Variants in LRIG1 observed in about 807,000 individuals in gnomAD.
LRIG1 encodes the protein leucine rich repeats and immunoglobulin like domains 1.
LRIG1 carries 48 observed loss-of-function variants against 99.2 expected under a neutral mutation model. The observed-to-expected ratio is 0.48, with a 90% CI of 0.38 to 0.62. LRIG1 has a LOEUF of 0.62. Among genes scored for constraint, LRIG1 ranks in the 20% least tolerant of loss-of-function variants. The pLI, the probability that LRIG1 is intolerant of heterozygous loss-of-function variation, is 0.00. For missense variants in LRIG1, 1,646 were observed against 1,434.4 expected (o/e 1.15, Z -2.38); for synonymous variants, 772 against 596.1 (o/e 1.29, Z -4.30).
In LRIG1 at chr3:66,430,190, CAAAAAA is replaced by C. The variant is rs34125530; in HGVS notation, c.366-12930_366-12925del. On this transcript the variant is annotated intron_variant, in intron 3 of 18. Coordinates refer to ENST00000273261, the MANE Select transcript of LRIG1 (RefSeq NM_015541.3). ...CAAAACAAAACAACAACAACAACAA[CAAAAAA>C]AAAACACTGAGGCAGGACCAACCAT... Among the ~76,000 whole-genome samples the C allele has an allele frequency of 2.4e-5, 3 of 127,472 alleles. No individual in the cohort carries two copies. In the South Asian group the frequency reaches 1.0e-3, roughly 43 times the overall value. 83.6% of individuals were successfully genotyped at this position (127,472 alleles called of 152,430 possible). A position where few individuals can be genotyped will look rare whatever the true frequency, so the allele number is the denominator to read the frequency against.
chr3:66,381,016 A>T, intron 17 of LRIG1, 155 bp from the exon 18 acceptor site: 2 of 721,624 alleles, frequency 2.8e-6, no homozygotes, highest in South Asian at 3.7e-5. Context: ...ATGTCCCCAG[A>T]GAAAGGACTG....
At chr3:66,437,400 G>C (rs1227940594) in intron 3 of LRIG1, among the ~76,000 whole-genome samples, 1 of 152,214 alleles carries the variant, frequency 6.6e-6, no homozygotes, top group Non-Finnish European at 1.5e-5. Context: ...CCACCTCTGG[G>C]CCAGGCGGCC....
At chr3:66,421,715 C>T (rs1421183715) in intron 3 of LRIG1, among the ~76,000 whole-genome samples, 3 of 152,270 alleles carry the variant, frequency 2.0e-5, no homozygotes, top group African/African-American at 7.2e-5. Flanking sequence ...TAGGCAGTGC[C>T]GCAGTAGGGA....
At chr3:66,381,734 A>G (rs763777856) in intron 16 of LRIG1, 103 bp from the exon 17 acceptor site, 108 of 1,354,108 alleles carry the variant, frequency 8.0e-5, no homozygotes, top group Middle Eastern at 2.1e-4. Context: ...ATTTTTTTTA[A>G]AAAGTTCTTC....
At chr3:66,452,355 C>T (rs1053977010) in intron 2 of LRIG1, among the ~76,000 whole-genome samples, 2 of 152,220 alleles carry the variant, frequency 1.3e-5, no homozygotes, top group Non-Finnish European at 2.9e-5. Flanking sequence ...GGGAAACCCA[C>T]GAACCAAAGC....
Position 66,407,454 on chromosome 3 carries a change from C to T in LRIG1, c.973G>A (p.Glu325Lys). 6.2e-7 allele frequency: 1 copy of T among 1,614,006 alleles called. No individual in the cohort carries two copies. Among genetic ancestry groups the T allele is most frequent in the Non-Finnish European group, 8.5e-7 (1 of 1,180,022 alleles). Reference sequence around the variant, plus strand: ...AGGCTGCTCAGCTCGGCCAGGCTCTCCTCGTCCAGCCGTGTCAGGTTGTTG... The same window carrying T: ...AGGCTGCTCAGCTCGGCCAGGCTCTTCTCGTCCAGCCGTGTCAGGTTGTTG... ...SFNNLTRLDEESLAELSSLSV... is the reference protein window; with the variant it reads ...SFNNLTRLDEKSLAELSSLSV... Residue 325 changes from glutamate to lysine, a missense_variant, in exon 8 of 19, where the codon GAG (glutamate) becomes AAG (lysine). Physicochemically the swap from Glu to Lys is moderately conservative, Grantham distance 56. Transcript: ENST00000273261.
At chr3:66,439,789 C>T (rs1316603426) in intron 3 of LRIG1, among the ~76,000 whole-genome samples, 1 of 152,146 alleles carries the variant, frequency 6.6e-6, no homozygotes, top group African/African-American at 2.4e-5. Context: ...CAGTTGAATT[C>T]TGTGATCTCC....
chr3:66,386,998 G>A (rs1381612571), intron 12 of LRIG1: 2 of 150,460 alleles, frequency 1.3e-5, no homozygotes, highest in African/African-American at 4.9e-5. Flanking sequence ...CCCATCCTCA[G>A]AACTGACACC....
chr3:66,420,244 A>G (rs946443158), intron 3 of LRIG1, among the ~76,000 whole-genome samples: 1 of 152,206 alleles, frequency 6.6e-6, no homozygotes, highest in Non-Finnish European at 1.5e-5. Flanking sequence ...CCACAATGAG[A>G]AGTCACCTCA....
chr3:66,436,402 G>A (rs1204170499), intron 3 of LRIG1, among the ~76,000 whole-genome samples: 11 of 152,208 alleles, frequency 7.2e-5, no homozygotes, highest in Admixed American at 6.5e-5. Flanking sequence ...GCAAAGAAAA[G>A]CGGCTTAGGA....
intron 1 of LRIG1, among the ~76,000 whole-genome samples, chr3:66,468,826 T>C (rs1456449061): frequency 6.6e-6 from 1 of 152,240 alleles, no homozygotes; most frequent in Admixed American, 6.5e-5. Context: ...TTTAATCCTT[T>C]AAGCTTTTAA....
chr3:66,445,817 C>T lies in LRIG1; in HGVS notation c.365+5742G>A, dbSNP rs139749597. On this transcript the variant is annotated intron_variant, in intron 3 of 18. Coordinates refer to ENST00000273261, the MANE Select transcript of LRIG1 (RefSeq NM_015541.3). Reference sequence around the variant, plus strand: ...AGATGGAGAATAAGTCTGCCCATCCCCACACACACATGCAGTGGGAATGCC... The same window carrying T: ...AGATGGAGAATAAGTCTGCCCATCCTCACACACACATGCAGTGGGAATGCC... Among the ~76,000 whole-genome samples, 121 of 152,272 alleles carry T rather than the reference C, an allele frequency of 7.9e-4. 1 individual carries two copies. The highest frequency in any genetic ancestry group is 1.4e-3 in the Non-Finnish European group (98 of 68,026).
intron 1 of LRIG1, among the ~76,000 whole-genome samples, chr3:66,474,029 T>C (rs2106874720): frequency 6.6e-6 from 1 of 152,360 alleles, no homozygotes; most frequent in African/African-American, 2.4e-5. Flanking sequence ...ATGATTTCCC[T>C]GGTTCTGGTT....
chr3:66,439,024 T>C (rs144373959), intron 3 of LRIG1, among the ~76,000 whole-genome samples: 45 of 152,342 alleles, frequency 3.0e-4, no homozygotes, highest in African/African-American at 9.1e-4. Context: ...TGGAACCAAA[T>C]AGTTGCTATA....
chr3:66,380,906 G>A lies in LRIG1; in HGVS notation c.2771-45C>T, dbSNP rs1701016668. ...ATGGGTTAGAGTCACTGCTGTGGGA[G>A]TCTTCGTCCCCACACAGAGGACAGG... On this transcript the variant is annotated intron_variant, in intron 17 of 18. Coordinates refer to ENST00000273261, the MANE Select transcript of LRIG1 (RefSeq NM_015541.3). 3.1e-6 allele frequency: 5 copies of A among 1,590,698 alleles called. No individual in the cohort carries two copies. In the South Asian group the frequency reaches 4.5e-5, roughly 14 times the overall value.
chr3:66,472,481 G>A (rs1700625505), intron 1 of LRIG1, among the ~76,000 whole-genome samples: 1 of 152,114 alleles, frequency 6.6e-6, no homozygotes, highest in Admixed American at 6.6e-5. Context: ...CCGATACACT[G>A]AAATGATTCA....
chr3:66,498,983 A>G (rs553588044), intron 1 of LRIG1, among the ~76,000 whole-genome samples: 1 of 152,336 alleles, frequency 6.6e-6, no homozygotes, highest in African/African-American at 2.4e-5. Context: ...TCTCTTTTTA[A>G]AACAGCCATA....
At chr3:66,472,968 T>C (rs936362547) in intron 1 of LRIG1, among the ~76,000 whole-genome samples, 17 of 152,098 alleles carry the variant, frequency 1.1e-4, no homozygotes, top group Non-Finnish European at 1.8e-4. Flanking sequence ...AAAAACCTCA[T>C]GTTACAGAAA....
chr3:66,398,498 A>T (rs1701938408), intron 10 of LRIG1, among the ~76,000 whole-genome samples: 1 of 152,222 alleles, frequency 6.6e-6, no homozygotes, highest in Non-Finnish European at 1.5e-5. Context: ...TCCTCCCCAG[A>T]TGGCAACAGC....
Sources: allele counts gnomAD v4.1 joint callset (sites outside exome capture counted in the v4.1 genomes callset), GRCh38; gene constraint gnomAD v4.1.1; transcripts MANE v1.5; gene names NCBI Gene and HGNC (gene_info 2026-07-23, HGNC 2026-07-21).